The following PTGER3 variants were observed in gnomAD, a reference collection of about 807,000 sequenced individuals.
PTGER3 encodes the protein prostaglandin E2 receptor EP3 subtype.
A neutral mutation model predicts 34.7 loss-of-function variants in PTGER3; 22 were observed. That is an observed-to-expected ratio of 0.63 (90% CI 0.45 to 0.91). The LOEUF is 0.91. Ranked by LOEUF, PTGER3 falls within the 40% of genes least tolerant of loss-of-function variation. The pLI, the probability that PTGER3 is intolerant of heterozygous loss-of-function variation, is 0.00. For missense variants in PTGER3, 468 were observed against 519.4 expected, an observed-to-expected ratio of 0.90 and a Z score of 0.96; for synonymous variants, 241 against 230.1, an observed-to-expected ratio of 1.05 and a Z score of -0.43.
chr1:70,957,144 T>G (rs760844192), intron 2 of PTGER3, among the ~76,000 whole-genome samples: 1 of 152,186 alleles, frequency 6.6e-6, no homozygotes, highest in Non-Finnish European at 1.5e-5. Context: ...CTGTTTTCGG[T>G]AATAACATCA....
intron 4 of PTGER3, among the ~76,000 whole-genome samples, chr1:70,943,317 C>A (rs996817231): frequency 5.3e-5 from 8 of 152,154 alleles, no homozygotes; most frequent in Non-Finnish European, 1.0e-4. Context: ...TTGTTGTCTA[C>A]TTTCTTTACA....
chr1:70,920,683 A>G (rs1647437861), intron 4 of PTGER3, among the ~76,000 whole-genome samples: 1 of 152,204 alleles, frequency 6.6e-6, no homozygotes, highest in South Asian at 2.1e-4. Context: ...CAACAACACT[A>G]GTCAAGATGG....
In PTGER3 at chr1:70,974,296, C is replaced by T. The variant is rs778220229; in HGVS notation, c.1169+1G>A. On this transcript the variant is annotated splice_donor_variant, in intron 3 of 3. Transcript: ENST00000306666. LOFTEE classifies it high-confidence loss of function. ...AAATCCCGGCAGTTTCTAAATCTCA[C>T]CTTTCCAAATGGTCGCTCCACATCA... is the stretch of plus-strand genomic sequence containing the variant. 6.2e-7 allele frequency: 1 copy of T among 1,610,928 alleles called. No individual in the cohort carries two copies. Among genetic ancestry groups the T allele is most frequent in the Non-Finnish European group, 8.5e-7 (1 of 1,177,456 alleles).
intron 1 of PTGER3, among the ~76,000 whole-genome samples, chr1:71,012,971 C>T (rs1219849015): frequency 2.6e-5 from 4 of 151,948 alleles, no homozygotes; most frequent in Non-Finnish European, 4.4e-5. Context: ...TTTTCAGAAT[C>T]CTTACTATTT....
intron 4 of PTGER3, among the ~76,000 whole-genome samples, chr1:70,891,089 G>A (rs769411819): frequency 6.6e-6 from 1 of 152,256 alleles, no homozygotes; most frequent in African/African-American, 2.4e-5. Flanking sequence ...CTACCTGGCT[G>A]TATTAAGTGG....
chr1:70,989,932 T>C (rs533679207), intron 2 of PTGER3, among the ~76,000 whole-genome samples: 5 of 151,618 alleles, frequency 3.3e-5, no homozygotes, highest in Non-Finnish European at 5.9e-5. Context: ...TTTTCACATA[T>C]ATACATGTAT....
rs1323451039 is a variant in PTGER3 at position 70,971,177 on chromosome 1, A to G, written c.*553T>C. ...CATGCTAAGCCCACAGGGACACAAC[A>G]TCTCTAAAACATTAATCATAATTGG... On this transcript the variant is annotated 3_prime_UTR_variant, in exon 4 of 4. Coordinates refer to ENST00000306666, the MANE Select transcript of PTGER3 (RefSeq NM_198719.2). The G allele has an allele frequency of 1.0e-6, 1 of 985,298 alleles. No individual in the cohort carries two copies. Among genetic ancestry groups the G allele is most frequent in the Admixed American group, 6.2e-5 (1 of 16,260 alleles). The allele number at this position is 985,298 out of a possible 1,614,324, so 61.0% of individuals were successfully genotyped here. A position where few individuals can be genotyped will look rare whatever the true frequency, so the allele number is the denominator to read the frequency against.
intron 2 of PTGER3, among the ~76,000 whole-genome samples, chr1:70,958,704 AGCTTTTGTTGCCAGG>A (rs1189242557): frequency 1.3e-5 from 2 of 152,142 alleles, no homozygotes; most frequent in African/African-American, 4.8e-5. Flanking sequence ...TGTCTATTTT[AGCTTTTGTTGCCAGG>A]GCTTTTGAAG....
At position 70,928,359 on chromosome 1, in the gene PTGER3, C is replaced by CA. The variant is rs1395863231; in HGVS notation, c.*23+25403dup. On this transcript the variant is annotated intron_variant, in intron 4 of 4. Transcript: ENST00000370931. ...GGGAAGAAATGAAGAGGAAGCTGGG[C>CA]AAAGTGGCTCATGCTTACAATCCCA... 8.6e-5 allele frequency among the ~76,000 whole-genome samples: 13 copies of CA among 150,750 alleles called. No individual in the cohort carries two copies. In the South Asian group the frequency reaches 1.3e-3, roughly 15 times the overall value.
intron 4 of PTGER3, among the ~76,000 whole-genome samples, chr1:70,933,391 G>T (rs1648909698): frequency 6.6e-6 from 1 of 152,088 alleles, no homozygotes; most frequent in Non-Finnish European, 1.5e-5. Flanking sequence ...TCATAAAAAA[G>T]ATCATACCTT....
intron 4 of PTGER3, among the ~76,000 whole-genome samples, chr1:70,924,047 TAAGTA>T (rs1319250214): frequency 4.6e-5 from 7 of 152,190 alleles, no homozygotes; most frequent in African/African-American, 7.2e-5. Context: ...TGACCTGTGG[TAAGTA>T]AAGAACATCA....
At chr1:71,011,712 A>G (rs1468540516) in intron 2 of PTGER3, 2 of 975,876 alleles carry the variant, frequency 2.0e-6, no homozygotes, top group African/African-American at 1.8e-5. Context: ...ATCGATGAAT[A>G]TTATAAATAC....
At chr1:71,007,725 T>C (rs1657094784) in intron 2 of PTGER3, 2 of 985,144 alleles carry the variant, frequency 2.0e-6, no homozygotes, top group African/African-American at 3.5e-5. Context: ...GAAAACTGTA[T>C]GAGAAATCTA....
At chr1:70,968,396 T>C (rs1652757933), downstream of PTGER3, among the ~76,000 whole-genome samples, 1 of 151,938 alleles carries the variant, frequency 6.6e-6, no homozygotes, top group Non-Finnish European at 1.5e-5. Context: ...CACAAGTAAC[T>C]TTTTTTTGGC....
chr1:70,944,962 C>T (rs540626644), intron 4 of PTGER3, among the ~76,000 whole-genome samples: 1 of 152,224 alleles, frequency 6.6e-6, no homozygotes, highest in East Asian at 1.9e-4. Context: ...AAGAGAACTT[C>T]TCATCCGTAC....
At chr1:70,974,597 A>G (rs1312843779) in intron 2 of PTGER3, among the ~76,000 whole-genome samples, 1 of 152,174 alleles carries the variant, frequency 6.6e-6, no homozygotes, top group East Asian at 1.9e-4. Context: ...ACTTGCAGGC[A>G]GAGACCATGT....
chr1:70,974,329 G>C lies in PTGER3; in HGVS notation c.1137C>G (p.Ser379=). 1 of 1,519,044 alleles carries C rather than the reference G, an allele frequency of 6.6e-7. No individual in the cohort carries two copies. Among genetic ancestry groups the C allele is most frequent in the Non-Finnish European group, 9.1e-7 (1 of 1,093,840 alleles). The allele number at this position is 1,519,044 out of a possible 1,614,324, so 94.1% of individuals were successfully genotyped here. The change falls in exon 3 of 4, where the codon TCC becomes TCG. Residue 379 remains serine, a synonymous_variant. Transcript: ENST00000306666. The part of the protein sequence containing the change: ...SSSTSLPCQC[S]STLMWSDHLE... Reference sequence around the variant, plus strand: ...AATGGTCGCTCCACATCAAGGTTGAGGAACACTGGCAGGGTAAGGAGGTGG... The same window carrying C: ...AATGGTCGCTCCACATCAAGGTTGACGAACACTGGCAGGGTAAGGAGGTGG...
At chr1:70,928,445 C>T (rs2100483771) in intron 4 of PTGER3, among the ~76,000 whole-genome samples, 1 of 151,828 alleles carries the variant, frequency 6.6e-6, no homozygotes. Context: ...CCAGCATGGG[C>T]AATATAGTGA....
At chr1:70,907,557 A>G (rs1433513431) in intron 4 of PTGER3, among the ~76,000 whole-genome samples, 1 of 152,240 alleles carries the variant, frequency 6.6e-6, no homozygotes, top group African/African-American at 2.4e-5. Flanking sequence ...TGGGTTGCTC[A>G]TCATGAGCTC....
Sources: gnomAD v4.1 joint callset for allele counts (sites outside exome capture counted in the v4.1 genomes callset) on GRCh38, gnomAD v4.1.1 for gene constraint, MANE v1.5 for transcripts, NCBI Gene and HGNC (gene_info 2026-07-23, HGNC 2026-07-21) for gene names.